The following DNAJB4 variants were observed in gnomAD, a reference collection of about 807,000 sequenced individuals.
DNAJB4 encodes the protein dnaJ homolog subfamily B member 4.
Under a neutral mutation model 26.6 loss-of-function variants are expected in DNAJB4, and 10 were observed. The observed-to-expected ratio is 0.38, with a 90% CI of 0.23 to 0.64. The LOEUF (loss-of-function observed/expected upper bound fraction) is 0.64, where lower values mean the gene tolerates loss of function less well. Among genes scored for constraint, DNAJB4 ranks in the 30% least tolerant of loss-of-function variants. The pLI, the probability that DNAJB4 is intolerant of heterozygous loss-of-function variation, is 0.58. For synonymous variants in DNAJB4, 136 were observed against 134.8 expected, an observed-to-expected ratio of 1.01 and a Z score of -0.06; for missense variants, 328 against 408.2, an observed-to-expected ratio of 0.80 and a Z score of 1.69.
intron 1 of DNAJB4, among the ~76,000 whole-genome samples, chr1:78,007,273 T>C (rs928635524): frequency 6.6e-6 from 1 of 152,268 alleles, no homozygotes; most frequent in African/African-American, 2.4e-5. Flanking sequence ...TCTCTAGTTA[T>C]AGGTTACTTG....
intron 2 of DNAJB4, 34 bp from the exon 3 acceptor site, chr1:78,015,976 TGAAG>T: frequency 6.4e-7 from 1 of 1,563,340 alleles, no homozygotes; most frequent in South Asian, 1.2e-5. Context: ...TTTTGAGTTT[TGAAG>T]TGTTTTCATT....
At chr1:77,998,761 T>C (rs773785676) in intron 1 of DNAJB4, among the ~76,000 whole-genome samples, 3 of 151,854 alleles carry the variant, frequency 2.0e-5, no homozygotes, top group Non-Finnish European at 4.4e-5. Context: ...TGGCTTGAGC[T>C]CAGGAGGTCG....
Position 78,013,457 on chromosome 1 carries a change from AG to A in DNAJB4, c.621del (p.Trp208GlyfsTer43). 6.2e-7 allele frequency: 1 copy of A among 1,614,210 alleles called. No individual in the cohort carries two copies. The stretch of plus-strand genomic sequence containing the variant: ...AAATTCTTACCATTGAGATTAAAAA[AG>A]GGTGGAAAGAAGGCACCAAAATTAC... ...DKILTIEIKKGWKEGTKITFP... is the reference protein window; with the variant it reads ...DKILTIEIKKXWKEGTKITFP... On this transcript the variant is annotated frameshift_variant, in exon 2 of 3. Transcript: ENST00000370763. LOFTEE classifies it high-confidence loss of function.
chr1:78,005,266 T>C lies in DNAJB4; in HGVS notation c.156T>C (p.Tyr52=), dbSNP rs150408892. 228 of 1,613,964 alleles carry C rather than the reference T, an allele frequency of 1.4e-4. 1 individual carries two copies. Among genetic ancestry groups the C allele is most frequent in the Middle Eastern group, 9.9e-4 (6 of 6,050 alleles). The part of the protein sequence containing the change: ...EEKFKEVAEA[Y]EVLSDPKKRE... ...AATTTAAAGAGGTCGCAGAAGCTTA[T>C]GAAGTATTGAGTGATCCTAAAAAGA... Residue 52 remains tyrosine, a synonymous_variant, in exon 1 of 3, where the codon TAT becomes TAC. Coordinates refer to ENST00000370763, the MANE Select transcript of DNAJB4 (RefSeq NM_007034.5).
chr1:77,988,632 A>G (rs928478252), intron 1 of DNAJB4, among the ~76,000 whole-genome samples: 4 of 152,198 alleles, frequency 2.6e-5, no homozygotes, highest in Non-Finnish European at 5.9e-5. Context: ...ATATGGATGC[A>G]TAGCTTTCCT....
At chr1:77,979,958 C>T (rs1659481518), upstream of DNAJB4, among the ~76,000 whole-genome samples, 1 of 152,128 alleles carries the variant, frequency 6.6e-6, no homozygotes, top group Admixed American at 6.5e-5. Flanking sequence ...TCTCGGCTCA[C>T]TGCATCCTCC....
At chr1:77,999,179 ATAT>A (rs1365663012) in intron 1 of DNAJB4, among the ~76,000 whole-genome samples, 11 of 152,162 alleles carry the variant, frequency 7.2e-5, no homozygotes, top group African/African-American at 2.7e-4. Flanking sequence ...AACTATTTAG[ATAT>A]TATCTTAAAA....
chr1:77,999,557 T>G (rs560069366), intron 1 of DNAJB4, among the ~76,000 whole-genome samples: 1 of 152,160 alleles, frequency 6.6e-6, no homozygotes, highest in Non-Finnish European at 1.5e-5. Context: ...GTAGTTACTT[T>G]AATGCTTTAT....
At chr1:78,012,161 T>C (rs1288120926) in intron 1 of DNAJB4, among the ~76,000 whole-genome samples, 1 of 127,162 alleles carries the variant, frequency 7.9e-6, no homozygotes, top group Non-Finnish European at 1.7e-5. Flanking sequence ...TTTCTTTTCT[T>C]TTTTTTTTTT....
chr1:78,015,910 A>G lies in DNAJB4; in HGVS notation c.781-104A>G. On this transcript the variant is annotated intron_variant, in intron 2 of 2. Transcript: ENST00000370763. ...AACTATTGTTATTCTTTTGGAGGTTAAAGTTTTACCTTAGTGGTATTATCC... is the reference window on the plus strand; with the variant it reads ...AACTATTGTTATTCTTTTGGAGGTTGAAGTTTTACCTTAGTGGTATTATCC... The G allele has an allele frequency of 3.1e-6, 3 of 974,704 alleles. No homozygotes were observed. The South Asian group carries it at 5.2e-5, about 17-fold the overall frequency. 60.4% of individuals were successfully genotyped at this position (974,704 alleles called of 1,614,324 possible).
At chr1:78,007,803 G>C (rs1660370139) in intron 1 of DNAJB4, among the ~76,000 whole-genome samples, 1 of 152,110 alleles carries the variant, frequency 6.6e-6, no homozygotes, top group Non-Finnish European at 1.5e-5. Context: ...TTCCATAGGT[G>C]TCTCCAGTAG....
intron 2 of DNAJB4, 99 bp from the exon 3 acceptor site, chr1:78,015,915 T>C: frequency 3.0e-6 from 3 of 1,011,812 alleles, no homozygotes; most frequent in Non-Finnish European, 4.3e-6. Context: ...AGGTTAAAGT[T>C]TTACCTTAGT....
chr1:78,009,863 C>T (rs990402513), intron 1 of DNAJB4, among the ~76,000 whole-genome samples: 2 of 152,228 alleles, frequency 1.3e-5, no homozygotes, highest in African/African-American at 4.8e-5. Flanking sequence ...AGACCTCATG[C>T]TCCACCCACC....
chr1:77,981,011 A>AT (rs1295768597), intron 1 of DNAJB4, among the ~76,000 whole-genome samples: 3 of 152,186 alleles, frequency 2.0e-5, no homozygotes, highest in South Asian at 4.1e-4. Context: ...AAATGTCTTG[A>AT]TTTTTTCATA....
chr1:77,984,023 G>A (rs540595836), intron 1 of DNAJB4, among the ~76,000 whole-genome samples: 23 of 152,296 alleles, frequency 1.5e-4, no homozygotes, highest in African/African-American at 5.5e-4. Flanking sequence ...AATGGGAAGT[G>A]ATTAGACTGG....
intron 1 of DNAJB4, among the ~76,000 whole-genome samples, chr1:77,995,393 T>C (rs1660037018): frequency 6.6e-6 from 1 of 152,212 alleles, no homozygotes; most frequent in Non-Finnish European, 1.5e-5. Flanking sequence ...TATTAGTTTA[T>C]CAAGACCCAT....
At position 78,005,318 on chromosome 1, in the gene DNAJB4, G is replaced by C; in HGVS notation, c.208G>C (p.Glu70Gln). 1 of 1,610,892 alleles carries C rather than the reference G, an allele frequency of 6.2e-7. No homozygotes were observed. Among genetic ancestry groups the C allele is most frequent in the Non-Finnish European group, 8.5e-7 (1 of 1,178,886 alleles). Residue 70 changes from glutamate to glutamine, a missense_variant, in exon 1 of 3, where the codon GAA (glutamate) becomes CAA (glutamine). Coordinates refer to ENST00000370763, the MANE Select transcript of DNAJB4 (RefSeq NM_007034.5). ...AGAAATATATGATCAGTTTGGGGAG[G>C]AAGGTAAGTATTCTCTGTATATCTT... Reference protein sequence around the residue: ...KREIYDQFGEEGLKGGAGGTD... With the variant: ...KREIYDQFGEQGLKGGAGGTD...
upstream of DNAJB4, among the ~76,000 whole-genome samples, chr1:78,000,914 C>T (rs1257144294): frequency 3.3e-5 from 5 of 151,930 alleles, no homozygotes; most frequent in Non-Finnish European, 2.9e-5. Flanking sequence ...ACCCGGGAGG[C>T]GGAGGTTGCA....
At chr1:77,983,591 T>A (rs1327918921) in intron 1 of DNAJB4, among the ~76,000 whole-genome samples, 1 of 152,236 alleles carries the variant, frequency 6.6e-6, no homozygotes, top group East Asian at 1.9e-4. Context: ...TGGTGATGAC[T>A]CTTAAGGAGA....
Sources: gnomAD v4.1 joint callset for allele counts (sites outside exome capture counted in the v4.1 genomes callset) on GRCh38, gnomAD v4.1.1 for gene constraint, MANE v1.5 for transcripts, NCBI Gene and HGNC (gene_info 2026-07-23, HGNC 2026-07-21) for gene names.